Variants in NFATC1 observed in about 807,000 individuals in gnomAD.
The protein encoded by NFATC1 is nuclear factor of activated T-cells, cytoplasmic 1.
In NFATC1, 22 loss-of-function variants were observed where a neutral mutation model predicts 76.0. That is an observed-to-expected ratio of 0.29 (90% CI 0.21 to 0.41). The LOEUF is 0.41. NFATC1 is among the 10% of genes least tolerant of loss of function. The pLI is 1.00. For synonymous variants in NFATC1, 704 were observed against 613.1 expected (o/e 1.15, Z -2.19); for missense variants, 1,357 against 1,337.7 (o/e 1.01, Z -0.23).
chr18:79,443,313 G>A (rs2087057807), intron 3 of NFATC1, among the ~76,000 whole-genome samples: 1 of 152,164 alleles, frequency 6.6e-6, no homozygotes, highest in African/African-American at 2.4e-5. Flanking sequence ...ACACACACTT[G>A]CCTCGGGCCC....
intron 3 of NFATC1, among the ~76,000 whole-genome samples, chr18:79,443,076 T>C (rs2087046313): frequency 3.9e-5 from 6 of 152,168 alleles, no homozygotes; most frequent in Admixed American, 3.9e-4. Flanking sequence ...GTGCAGTTTT[T>C]CAGTCGCGGC....
chr18:79,402,436 C>A, intron 1 of NFATC1: 1 of 970,980 alleles, frequency 1.0e-6, no homozygotes, highest in Non-Finnish European at 1.2e-6. Flanking sequence ...CAAAACACTC[C>A]TTGAGCAGAA....
chr18:79,448,538 G>T, intron 3 of NFATC1: 1 of 557,450 alleles, frequency 1.8e-6, no homozygotes, highest in South Asian at 2.2e-5. Flanking sequence ...CACACAGCAA[G>T]TGTGGATGCA....
At position 79,411,384 on chromosome 18, in the gene NFATC1, A is replaced by T; in HGVS notation, c.1109A>T (p.Asp370Val). Reference sequence around the variant, plus strand: ...CCCCCGGCCGACTTCGCGCCCGAAGACTACTCCTCTTTCCAGCACATCAGG... The same window carrying T: ...CCCCCGGCCGACTTCGCGCCCGAAGTCTACTCCTCTTTCCAGCACATCAGG... ...PPPPADFAPE[D>V]YSSFQHIRKG... is the part of the protein sequence containing the mutation. Residue 370 changes from aspartate to valine, a missense_variant, in exon 2 of 10, where the codon GAC becomes GTC. Physicochemically the swap from Asp to Val is radical, Grantham distance 152. Coordinates refer to ENST00000427363, the MANE Select transcript of NFATC1 (RefSeq NM_001278669.2). 6.3e-7 allele frequency: 1 copy of T among 1,582,462 alleles called. No individual in the cohort carries two copies.
At chr18:79,452,246 G>A (rs1346968980) in intron 6 of NFATC1, 7 of 156,264 alleles carry the variant, frequency 4.5e-5, no homozygotes, top group Non-Finnish European at 8.5e-5. Context: ...TCCTGGGGTC[G>A]GAGGCAGGGA....
At chr18:79,398,092 C>T (rs1266652475) in intron 1 of NFATC1, among the ~76,000 whole-genome samples, 2 of 152,188 alleles carry the variant, frequency 1.3e-5, no homozygotes, top group Admixed American at 1.3e-4. Flanking sequence ...CCTGGCCCAT[C>T]TGAGGACCTG....
intron 9 of NFATC1, among the ~76,000 whole-genome samples, chr18:79,488,173 G>A (rs1439047654): frequency 1.3e-5 from 2 of 152,160 alleles, no homozygotes; most frequent in African/African-American, 4.8e-5. Flanking sequence ...CCTGACTGAA[G>A]GCTACAAGCT....
chr18:79,486,728 C>G lies in NFATC1; in HGVS notation c.2573C>G (p.Pro858Arg), dbSNP rs747803592. ...SPPLPPATQE[P>R]TCLQPCSPAC... ...CCACTCCCGCCTGCCACCCAAGAGCCGACCTGCCTGCAGCCCTGCAGCCCA... is the reference window on the plus strand; with the variant it reads ...CCACTCCCGCCTGCCACCCAAGAGCGGACCTGCCTGCAGCCCTGCAGCCCA... The change falls in exon 9 of 10, where the codon CCG (proline) becomes CGG (arginine). Residue 858 changes from proline to arginine, a missense_variant. Around this residue, in one of 3 missense-constraint regions of NFATC1, gnomAD observed 424 missense variants for 395.4 expected, o/e 1.07. Coordinates refer to ENST00000427363, the MANE Select transcript of NFATC1 (RefSeq NM_001278669.2). 1 of 1,598,766 alleles carries G rather than the reference C, an allele frequency of 6.3e-7. No individual in the cohort carries two copies. Among genetic ancestry groups the G allele is most frequent in the South Asian group, 1.1e-5 (1 of 89,888 alleles).
At chr18:79,408,755 C>G (rs574587221) in intron 1 of NFATC1, among the ~76,000 whole-genome samples, 1 of 152,106 alleles carries the variant, frequency 6.6e-6, no homozygotes, top group African/African-American at 2.4e-5. Context: ...AACCATTACT[C>G]CTCCATTCCC....
chr18:79,423,195 C>T (rs971568929), intron 2 of NFATC1, among the ~76,000 whole-genome samples: 3 of 152,276 alleles, frequency 2.0e-5, no homozygotes, highest in South Asian at 2.1e-4. Context: ...GGTGGAGCCA[C>T]GGGACGCCAT....
intron 9 of NFATC1, among the ~76,000 whole-genome samples, chr18:79,510,712 T>C (rs1477778677): frequency 6.6e-6 from 1 of 152,236 alleles, no homozygotes; most frequent in East Asian, 1.9e-4. Flanking sequence ...TGATAGAATT[T>C]CTTCTAGAAG....
intron 3 of NFATC1, among the ~76,000 whole-genome samples, chr18:79,438,540 C>T (rs6506767): frequency 0.26 from 38,974 of 152,152 alleles, 5,310 homozygotes; most frequent in African/African-American, 0.35. Context: ...CACGGGAGGC[C>T]GGGCTCGTGT....
chr18:79,521,343 G>T (rs934728284), intron 9 of NFATC1, among the ~76,000 whole-genome samples: 2 of 101,200 alleles, frequency 2.0e-5, no homozygotes, highest in Admixed American at 2.1e-4. Flanking sequence ...GTGTGTGTAG[G>T]GGGGGAGCAT....
chr18:79,459,552 C>T (rs1309210590), intron 6 of NFATC1, among the ~76,000 whole-genome samples: 3 of 152,240 alleles, frequency 2.0e-5, no homozygotes, highest in African/African-American at 7.2e-5. Context: ...AGTCACTGAA[C>T]CTCCCTCCCC....
At position 79,411,399 on chromosome 18, in the gene NFATC1, A is replaced by T; in HGVS notation, c.1124A>T (p.Gln375Leu). ...DFAPEDYSSF[Q>L]HIRKGGFCDQ... Reference sequence around the variant, plus strand: ...GCGCCCGAAGACTACTCCTCTTTCCAGCACATCAGGAAGGGCGGCTTCTGC... The same window carrying T: ...GCGCCCGAAGACTACTCCTCTTTCCTGCACATCAGGAAGGGCGGCTTCTGC... Residue 375 changes from glutamine to leucine, a missense_variant, in exon 2 of 10, where the codon CAG (glutamine) becomes CTG (leucine). By Grantham distance (113) the Gln-to-Leu change is moderately radical. Around this residue, in one of 3 missense-constraint regions of NFATC1, gnomAD observed 691 missense variants for 613.1 expected, o/e 1.13. Transcript: ENST00000427363. 1 of 1,572,274 alleles carries T rather than the reference A, an allele frequency of 6.4e-7. No homozygotes were observed. Among genetic ancestry groups the T allele is most frequent in the African/African-American group, 1.4e-5 (1 of 73,698 alleles).
At chr18:79,406,805 G>C (rs2085456533) in intron 1 of NFATC1, among the ~76,000 whole-genome samples, 1 of 152,018 alleles carries the variant, frequency 6.6e-6, no homozygotes, top group South Asian at 2.1e-4. Flanking sequence ...GTCCACCGTT[G>C]GACTGCGTCC....
At chr18:79,408,584 G>A (rs918523620) in intron 1 of NFATC1, among the ~76,000 whole-genome samples, 2 of 152,198 alleles carry the variant, frequency 1.3e-5, no homozygotes, top group African/African-American at 4.8e-5. Context: ...CTCCATGAGG[G>A]GGATTTCACA....
At chr18:79,443,858 C>G (rs550703408) in intron 3 of NFATC1, among the ~76,000 whole-genome samples, 192 of 152,372 alleles carry the variant, frequency 1.3e-3, no homozygotes, top group Non-Finnish European at 1.9e-3. Flanking sequence ...CTGGGAAGGG[C>G]TGTGCCACAT....
intron 8 of NFATC1, chr18:79,469,552 G>T: frequency 1.0e-6 from 1 of 985,932 alleles, no homozygotes; most frequent in Non-Finnish European, 1.2e-6. Flanking sequence ...CCACACTCCT[G>T]CCTCGATTGG....
Sources: allele counts gnomAD v4.1 joint callset (sites outside exome capture counted in the v4.1 genomes callset), GRCh38; gene constraint gnomAD v4.1.1; regional missense constraint gnomAD v4.1.1; transcripts MANE v1.5; gene names NCBI Gene and HGNC (gene_info 2026-07-23, HGNC 2026-07-21).